Variants in WWOX observed in about 807,000 individuals in gnomAD.
WWOX encodes WW domain-containing oxidoreductase.
Under a neutral mutation model 46.2 loss-of-function variants are expected in WWOX, and 69 were observed. That is an observed-to-expected ratio of 1.49 (90% confidence interval 1.23 to 1.82). The LOEUF is 1.82. WWOX is among the 40% of genes most tolerant of loss of function. The pLI is 0.00. For missense variants in WWOX, 919 were observed against 542.6 expected, an observed-to-expected ratio of 1.69 and a Z score of -6.89; for synonymous variants, 359 against 202.6, an observed-to-expected ratio of 1.77 and a Z score of -6.56.
chr16:78,437,438 A>G (rs1293750456), intron 8 of WWOX, among the ~76,000 whole-genome samples: 1 of 152,202 alleles, frequency 6.6e-6, no homozygotes, highest in East Asian at 1.9e-4. Context: ...TTGTTGCTGT[A>G]AATGCATTAT....
At chr16:78,596,321 T>C (rs1424548897) in intron 8 of WWOX, among the ~76,000 whole-genome samples, 1 of 152,154 alleles carries the variant, frequency 6.6e-6, no homozygotes, top group Non-Finnish European at 1.5e-5. Flanking sequence ...TAGGCCTGGG[T>C]CTACAGCAGT....
chr16:78,179,528 CATGCTTA>C (rs1399910647), intron 5 of WWOX, among the ~76,000 whole-genome samples: 1 of 152,154 alleles, frequency 6.6e-6, no homozygotes, highest in African/African-American at 2.4e-5. Context: ...CCCAACGCTT[CATGCTTA>C]ATTGGATGGC....
chr16:78,467,167 T>A (rs770216324), intron 8 of WWOX, among the ~76,000 whole-genome samples: 1 of 152,184 alleles, frequency 6.6e-6, no homozygotes. Context: ...TTTCCTTCTT[T>A]TTAAAAAAAA....
At chr16:78,722,262 G>C (rs534042989) in intron 8 of WWOX, among the ~76,000 whole-genome samples, 2 of 152,272 alleles carry the variant, frequency 1.3e-5, no homozygotes, top group African/African-American at 4.8e-5. Context: ...TTGGGGTTCA[G>C]TCCTAGCTCT....
chr16:78,474,867 A>G lies in WWOX; in HGVS notation c.1056+42115A>G, dbSNP rs138524290. On this transcript the variant is annotated intron_variant, in intron 8 of 8. Transcript: ENST00000566780. The stretch of plus-strand genomic sequence containing the variant: ...TTTGTGAGTGGTCCTTTCACTTTGC[A>G]TGCATCATGTTTTCAAGATACTGCA... Among the ~76,000 whole-genome samples the G allele has an allele frequency of 1.7e-3, 264 of 152,298 alleles. 1 individual carries two copies. The highest frequency in any genetic ancestry group is 5.9e-3 in the African/African-American group (245 of 41,562).
intron 8 of WWOX, chr16:78,897,903 G>A (rs933703326): frequency 6.6e-6 from 1 of 151,900 alleles, no homozygotes; most frequent in African/African-American, 2.4e-5. Flanking sequence ...GTTTTATTTT[G>A]CATTTTCCTA....
chr16:78,829,336 C>G (rs1279064096), intron 8 of WWOX, among the ~76,000 whole-genome samples: 1 of 152,142 alleles, frequency 6.6e-6, no homozygotes, highest in Non-Finnish European at 1.5e-5. Flanking sequence ...GACAGTCAGG[C>G]AAAGAGAGAA....
chr16:78,130,171 T>A (rs1462783481), intron 4 of WWOX: 1 of 152,208 alleles, frequency 6.6e-6, no homozygotes, highest in Non-Finnish European at 1.5e-5. Context: ...CTCTTTCCTT[T>A]ATAAATTTCC....
At chr16:78,180,127 G>A (rs2035482125) in intron 5 of WWOX, among the ~76,000 whole-genome samples, 1 of 152,182 alleles carries the variant, frequency 6.6e-6, no homozygotes, top group African/African-American at 2.4e-5. Flanking sequence ...GTTGAAGAAA[G>A]AGTCCTTATT....
intron 8 of WWOX, among the ~76,000 whole-genome samples, chr16:78,635,093 G>A (rs1426266220): frequency 2.6e-5 from 4 of 152,118 alleles, no homozygotes; most frequent in African/African-American, 2.4e-5. Context: ...TGCCCAATGT[G>A]ATTACGCCAG....
At chr16:78,673,666 A>G (rs1374019110) in intron 8 of WWOX, among the ~76,000 whole-genome samples, 1 of 152,234 alleles carries the variant, frequency 6.6e-6, no homozygotes, top group African/African-American at 2.4e-5. Flanking sequence ...AGCCACCATT[A>G]CGAAGCCTAA....
At chr16:79,189,237 G>C (rs1256908751) in intron 8 of WWOX, among the ~76,000 whole-genome samples, 1 of 151,978 alleles carries the variant, frequency 6.6e-6, no homozygotes, top group East Asian at 1.9e-4. Flanking sequence ...GCATCTATTA[G>C]GAAAGCCTAT....
In WWOX at chr16:79,098,135, C is replaced by G. The variant is rs74544473; in HGVS notation, c.1057-113473C>G. ...GCTCTTTAGTCCAGCAAATTTCAAACCTGTCTGCTCATCAGAATCACCTGG... is the reference window on the plus strand; with the variant it reads ...GCTCTTTAGTCCAGCAAATTTCAAAGCTGTCTGCTCATCAGAATCACCTGG... On this transcript the variant is annotated intron_variant, in intron 8 of 8. Transcript: ENST00000566780. 3.1e-3 allele frequency among the ~76,000 whole-genome samples: 478 copies of G among 152,272 alleles called. 3 individuals carry two copies. The highest frequency in any genetic ancestry group is 0.011 in the African/African-American group (446 of 41,520).
rs1597318958 is a variant in WWOX, at chr16:78,593,064, A to G, written c.1056+160312A>G. Among the ~76,000 whole-genome samples the G allele has an allele frequency of 2.6e-5, 4 of 152,294 alleles. No homozygotes were observed. The Middle Eastern group carries it at 0.014, about 518-fold the overall frequency. On this transcript the variant is annotated intron_variant, in intron 8 of 8. Coordinates refer to ENST00000566780, the MANE Select transcript of WWOX (RefSeq NM_016373.4). ...GCACCAATGTGTCTAGGCAAATACA[A>G]AAGCTCTTTAGCCAAGGAAGAAATG...
chr16:78,948,289 A>AC (rs1455657768), intron 8 of WWOX, among the ~76,000 whole-genome samples: 2 of 151,872 alleles, frequency 1.3e-5, no homozygotes, highest in Non-Finnish European at 2.9e-5. Flanking sequence ...ACTGTTTGGG[A>AC]CCCCTGTTGC....
intron 8 of WWOX, among the ~76,000 whole-genome samples, chr16:78,720,522 G>A (rs1283676320): frequency 6.7e-6 from 1 of 149,070 alleles, no homozygotes; most frequent in African/African-American, 2.5e-5. Context: ...TTAGGACCCA[G>A]TTACTCTCTT....
At chr16:78,994,969 CTT>C (rs869088414) in intron 8 of WWOX, among the ~76,000 whole-genome samples, 13,997 of 113,946 alleles carry the variant, frequency 0.12, 279 homozygotes, top group South Asian at 0.19. Context: ...TCTTCTTCTT[CTT>C]TTTTTTTTTT....
At chr16:78,558,291 G>A (rs150083514) in intron 8 of WWOX, among the ~76,000 whole-genome samples, 23 of 152,336 alleles carry the variant, frequency 1.5e-4, no homozygotes, top group Non-Finnish European at 2.4e-4. Flanking sequence ...TATCCTAGAA[G>A]CTGCAAATTG....
intron 8 of WWOX, among the ~76,000 whole-genome samples, chr16:78,471,665 T>C (rs1453845559): frequency 6.6e-6 from 1 of 152,242 alleles, no homozygotes; most frequent in Non-Finnish European, 1.5e-5. Flanking sequence ...GGCCTCATGC[T>C]ATTTGAAAAT....
Sources: gnomAD v4.1 joint callset for allele counts (sites outside exome capture counted in the v4.1 genomes callset) on GRCh38, gnomAD v4.1.1 for gene constraint, MANE v1.5 for transcripts, NCBI Gene and HGNC (gene_info 2026-07-23, HGNC 2026-07-21) for gene names.